The following ENOX1 variants were observed in gnomAD, a reference collection of about 807,000 sequenced individuals.
ENOX1 encodes ecto-NOX disulfide-thiol exchanger 1, also known as candidate growth-related and time keeping constitutive hydroquinone (NADH) oxidase.
In ENOX1, 42 loss-of-function variants were observed where a neutral mutation model predicts 82.5. The observed-to-expected ratio is 0.51, with a 90% CI of 0.40 to 0.66. ENOX1 has a LOEUF of 0.66. Among genes scored for constraint, ENOX1 ranks in the 30% least tolerant of loss-of-function variants. The pLI is 0.00. For synonymous variants in ENOX1, 271 were observed against 282.2 expected (o/e 0.96, Z 0.40); for missense variants, 608 against 811.6 (o/e 0.75, Z 3.05).
At chr13:43,778,536 G>T (rs939119626) in intron 1 of ENOX1, among the ~76,000 whole-genome samples, 2 of 152,014 alleles carry the variant, frequency 1.3e-5, no homozygotes, top group African/African-American at 4.8e-5. Context: ...ACTGATGGTG[G>T]ATGAAAATCA....
At chr13:43,615,734 C>A (rs1228528447) in intron 2 of ENOX1, among the ~76,000 whole-genome samples, 1 of 151,840 alleles carries the variant, frequency 6.6e-6, no homozygotes, top group Non-Finnish European at 1.5e-5. Flanking sequence ...TAATGCTATC[C>A]CTCCCCTAGC....
chr13:43,303,842 G>T (rs954389164), intron 11 of ENOX1, among the ~76,000 whole-genome samples: 2 of 152,180 alleles, frequency 1.3e-5, no homozygotes, highest in African/African-American at 2.4e-5. Context: ...GGAAGCCCAA[G>T]AATTAGCATT....
chr13:43,282,247 T>C (rs564438067), intron 12 of ENOX1, among the ~76,000 whole-genome samples: 13 of 152,272 alleles, frequency 8.5e-5, no homozygotes, highest in Admixed American at 3.9e-4. Context: ...TGGTGATTTA[T>C]AAAATACCAG....
intron 2 of ENOX1, among the ~76,000 whole-genome samples, chr13:43,624,108 T>G (rs1290360485): frequency 6.6e-6 from 1 of 152,216 alleles, no homozygotes; most frequent in Non-Finnish European, 1.5e-5. Context: ...GTAGTTTTTA[T>G]TTTACTTATT....
intron 1 of ENOX1, among the ~76,000 whole-genome samples, chr13:43,671,163 A>G (rs559761748): frequency 3.3e-5 from 5 of 152,144 alleles, no homozygotes; most frequent in Non-Finnish European, 7.4e-5. Flanking sequence ...GCCATGTAAG[A>G]TATGTCTGCT....
intron 1 of ENOX1, among the ~76,000 whole-genome samples, chr13:43,762,780 C>T (rs913551982): frequency 2.0e-5 from 3 of 152,138 alleles, no homozygotes; most frequent in Non-Finnish European, 4.4e-5. Context: ...TCAGAATATA[C>T]TTTTTAAAAA....
intron 5 of ENOX1, among the ~76,000 whole-genome samples, chr13:43,410,036 G>A (rs555750293): frequency 2.3e-4 from 35 of 152,268 alleles, no homozygotes; most frequent in African/African-American, 7.7e-4. Context: ...GGGCAGATAC[G>A]GTAAATCTTC....
Position 43,213,411 on chromosome 13 carries a change from A to G in ENOX1, c.*579T>C, listed in dbSNP as rs543011277. 1 of 152,296 alleles carries G rather than the reference A, an allele frequency of 6.6e-6. No homozygotes were observed. Among genetic ancestry groups the G allele is most frequent in the East Asian group, 1.9e-4 (1 of 5,204 alleles). 9.4% of individuals were successfully genotyped at this position (152,296 alleles called of 1,614,324 possible). A position where few individuals can be genotyped will look rare whatever the true frequency, so the allele number is the denominator to read the frequency against. ...TATTTTCTGCCTCTTCAATAAGGCA[A>G]AAGTCCCTGGAACAGCATATAACTT... On this transcript the variant is annotated 3_prime_UTR_variant, in exon 17 of 17. Transcript: ENST00000690772.
At chr13:43,399,012 T>C (rs1159844631) in intron 5 of ENOX1, among the ~76,000 whole-genome samples, 1 of 151,774 alleles carries the variant, frequency 6.6e-6, no homozygotes, top group Non-Finnish European at 1.5e-5. Context: ...TAGACTGATT[T>C]CAAACTCCTG....
chr13:43,590,246 A>G (rs540121455), intron 2 of ENOX1, among the ~76,000 whole-genome samples: 1 of 152,310 alleles, frequency 6.6e-6, no homozygotes, highest in Admixed American at 6.5e-5. Flanking sequence ...AACTCACTTG[A>G]AAAAAAGATT....
chr13:43,521,604 C>T (rs1338449390), intron 2 of ENOX1, among the ~76,000 whole-genome samples: 1 of 152,178 alleles, frequency 6.6e-6, no homozygotes, highest in Non-Finnish European at 1.5e-5. Flanking sequence ...CTCTCATGTC[C>T]TTCCCCCTAA....
chr13:43,543,173 T>G (rs545390099), intron 2 of ENOX1, among the ~76,000 whole-genome samples: 1 of 152,272 alleles, frequency 6.6e-6, no homozygotes, highest in South Asian at 2.1e-4. Flanking sequence ...GTGAAGGTTG[T>G]TCTTTCTTCT....
intron 2 of ENOX1, among the ~76,000 whole-genome samples, chr13:43,601,897 T>C (rs2081738962): frequency 1.3e-5 from 2 of 152,118 alleles, no homozygotes; most frequent in South Asian, 2.1e-4. Flanking sequence ...TGAAATGACA[T>C]ATTTAAAGTG....
chr13:43,334,265 G>A lies in ENOX1; in HGVS notation c.1037-7740C>T, dbSNP rs987798160. Among the ~76,000 whole-genome samples the A allele has an allele frequency of 1.1e-4, 17 of 152,174 alleles. No individual in the cohort carries two copies. The East Asian group carries it at 1.9e-3, about 17-fold the overall frequency. ...TGAAGAAACTGAGGTTCACTGAGAC[G>A]AATATTTACTTGTCCAAGGTCATAT... is the stretch of plus-strand genomic sequence containing the variant. On this transcript the variant is annotated intron_variant, in intron 9 of 16. Transcript: ENST00000690772.
intron 2 of ENOX1, among the ~76,000 whole-genome samples, chr13:43,611,183 A>G (rs1395969091): frequency 6.6e-6 from 1 of 152,140 alleles, no homozygotes; most frequent in Non-Finnish European, 1.5e-5. Flanking sequence ...CATTTATACC[A>G]CTGATGTTCC....
At chr13:43,430,160 C>T (rs777452101) in intron 3 of ENOX1, among the ~76,000 whole-genome samples, 30 of 152,152 alleles carry the variant, frequency 2.0e-4, no homozygotes, top group Non-Finnish European at 3.1e-4. Flanking sequence ...TTGTATGTTA[C>T]GGAGGTCTTG....
At chr13:43,662,593 C>T (rs1162807862) in intron 2 of ENOX1, among the ~76,000 whole-genome samples, 1 of 152,202 alleles carries the variant, frequency 6.6e-6, no homozygotes, top group African/African-American at 2.4e-5. Context: ...ATTCTTCCCT[C>T]TAAGAGTTTC....
intron 2 of ENOX1, among the ~76,000 whole-genome samples, chr13:43,635,500 C>CT (rs1486524145): frequency 6.6e-6 from 1 of 152,130 alleles, no homozygotes; most frequent in Non-Finnish European, 1.5e-5. Context: ...AAATGTATGA[C>CT]TTTTTTGGTC....
At chr13:43,215,536 G>A (rs2041426803) in intron 16 of ENOX1, among the ~76,000 whole-genome samples, 1 of 152,226 alleles carries the variant, frequency 6.6e-6, no homozygotes, top group Non-Finnish European at 1.5e-5. Context: ...AGATTCGTGA[G>A]CAGATATTAA....
Sources: gnomAD v4.1 joint callset for allele counts (sites outside exome capture counted in the v4.1 genomes callset) on GRCh38, gnomAD v4.1.1 for gene constraint, MANE v1.5 for transcripts, NCBI Gene and HGNC (gene_info 2026-07-23, HGNC 2026-07-21) for gene names.